The following NGLY1 variants were observed in gnomAD, a reference collection of about 807,000 sequenced individuals.
The protein encoded by NGLY1 is peptide-N(4)-(N-acetyl-beta-glucosaminyl)asparagine amidase.
NGLY1 carries 68 observed loss-of-function variants against 84.6 expected under a neutral mutation model. The observed-to-expected ratio is 0.80, with a 90% CI of 0.66 to 0.98. The LOEUF (loss-of-function observed/expected upper bound fraction) is 0.98. NGLY1 is among the 50% of genes least tolerant of loss of function. The pLI is 0.00. For missense variants in NGLY1, 779 were observed against 770.2 expected (o/e 1.01, Z -0.14); for synonymous variants, 280 against 275.2 (o/e 1.02, Z -0.17).
chr3:25,772,769 C>T (rs1000274542), intron 2 of NGLY1, among the ~76,000 whole-genome samples: 5 of 151,840 alleles, frequency 3.3e-5, no homozygotes, highest in Non-Finnish European at 7.4e-5. Flanking sequence ...TGGTGTATTT[C>T]GAGGTTTTAT....
At chr3:25,734,814 G>A (rs1025250994) in intron 7 of NGLY1, 5 of 946,182 alleles carry the variant, frequency 5.3e-6, no homozygotes, top group East Asian at 1.2e-4. Flanking sequence ...AACCAGAAAC[G>A]CTATGATAAA....
rs373747843 is a variant in NGLY1 at position 25,778,566 on chromosome 3, A to G, written c.246+8T>C. The G allele has an allele frequency of 1.3e-6, 2 of 1,549,132 alleles. No homozygotes were observed. The highest frequency in any genetic ancestry group is 2.3e-5 in the East Asian group (1 of 44,206). On this transcript the variant is annotated splice_region_variant and intron_variant, in intron 2 of 11. Transcript: ENST00000280700. ...AAGAGGGGAGAGGAAATCCTTGAAC[A>G]TACTTACCTCTTCAAAGCCCATTTC...
chr3:25,743,899 T>C (rs1706284345), intron 4 of NGLY1, among the ~76,000 whole-genome samples: 1 of 152,188 alleles, frequency 6.6e-6, no homozygotes, highest in East Asian at 1.9e-4. Context: ...TATCCTTAAC[T>C]AGGGGCTCAG....
At chr3:25,763,938 T>C (rs1239621964) in intron 3 of NGLY1, 128 bp downstream of exon 3, 22 of 1,233,684 alleles carry the variant, frequency 1.8e-5, no homozygotes, top group Non-Finnish European at 2.2e-5. Context: ...TTGGATGTTT[T>C]AGAGTTATAA....
At chr3:25,751,004 C>A in intron 4 of NGLY1, 94 bp downstream of exon 4, 1 of 1,289,530 alleles carries the variant, frequency 7.8e-7, no homozygotes, top group Non-Finnish European at 1.1e-6. Flanking sequence ...GCAGTTCAAA[C>A]CCATGTTCTT....
Position 25,783,230 on chromosome 3 carries a change from T to A in NGLY1, c.131+30A>T. On this transcript the variant is annotated intron_variant, in intron 1 of 11. Coordinates refer to ENST00000280700, the MANE Select transcript of NGLY1 (RefSeq NM_018297.4). This position sits in a 1 kb window ranked among gnomAD's most constrained non-coding sequence, Gnocchi z 4.5. ...AGGTGCCGCGGCCCACCCACCCCGG[T>A]ACCCGCCGTCCGACCCCGTTGCCCT... 7.0e-7 allele frequency: 1 copy of A among 1,422,378 alleles called. No homozygotes were observed. The highest frequency in any genetic ancestry group is 9.7e-7 in the Non-Finnish European group (1 of 1,026,234). The allele number at this position is 1,422,378 out of a possible 1,614,324, so 88.1% of individuals were successfully genotyped here. A position where few individuals can be genotyped will look rare whatever the true frequency, so the allele number is the denominator to read the frequency against.
chr3:25,745,888 A>G (rs1706398662), intron 4 of NGLY1, among the ~76,000 whole-genome samples: 1 of 152,246 alleles, frequency 6.6e-6, no homozygotes. Flanking sequence ...TCTGATGAAT[A>G]AGGTTATGTA....
At chr3:25,755,179 T>A in intron 3 of NGLY1, 1 of 1,281,900 alleles carries the variant, frequency 7.8e-7, no homozygotes, top group Non-Finnish European at 1.1e-6. Flanking sequence ...TTACCTCTCT[T>A]CCCCCAAGAG....
intron 10 of NGLY1, among the ~76,000 whole-genome samples, chr3:25,727,040 G>A (rs1004805800): frequency 6.6e-6 from 1 of 152,146 alleles, no homozygotes; most frequent in Non-Finnish European, 1.5e-5. Context: ...TGAGAAAAAC[G>A]GTAGTGAGAA....
In NGLY1 at chr3:25,735,992, T is replaced by C. The variant is rs774489175; in HGVS notation, c.1149+12A>G. 6.3e-7 allele frequency: 1 copy of C among 1,579,196 alleles called. No homozygotes were observed. The highest frequency in any genetic ancestry group is 2.2e-5 in the East Asian group (1 of 44,670). ...TACTTTTGGAAAAAAGTTTTTTTCT[T>C]TTATGCTCTACCTCATCTTTTGAAA... is the stretch of plus-strand genomic sequence containing the variant. On this transcript the variant is annotated intron_variant, in intron 7 of 11. Transcript: ENST00000280700.
rs746089736 is a variant in NGLY1, at chr3:25,736,077, C to T, written c.1076G>A (p.Cys359Tyr). The change falls in exon 7 of 12, where the codon TGT becomes TAT. Residue 359 changes from cysteine (C) to tyrosine (Y), a missense_variant. Cys to Tyr is a radical substitution (Grantham distance 194). Coordinates refer to ENST00000280700, the MANE Select transcript of NGLY1 (RefSeq NM_018297.4). ...WLHCDACEDV[C>Y]DKPLLYEIGW... is the part of the protein sequence containing the mutation. ...TATTTCATAAAGGAGTGGCTTGTCA[C>T]AGACATCTTCACATGCATCACAGTG... is the stretch of plus-strand genomic sequence containing the variant. The T allele has an allele frequency of 6.2e-7, 1 of 1,613,774 alleles. No homozygotes were observed. Among genetic ancestry groups the T allele is most frequent in the Non-Finnish European group, 8.5e-7 (1 of 1,179,894 alleles).
chr3:25,720,238 A>G (rs758932148), intron 10 of NGLY1, 47 bp from the exon 11 acceptor site: 2 of 1,481,596 alleles, frequency 1.3e-6, no homozygotes, highest in East Asian at 4.6e-5. Flanking sequence ...GAAAAAATGA[A>G]ATAGTATAGA....
intron 8 of NGLY1, 45 bp downstream of exon 8, chr3:25,733,827 T>A (rs1197049395): frequency 3.6e-6 from 5 of 1,384,224 alleles, no homozygotes; most frequent in Non-Finnish European, 5.0e-6. Flanking sequence ...CTCGATTACA[T>A]AAAAAATGTC....
chr3:25,736,455 C>T, intron 6 of NGLY1: 5 of 1,427,802 alleles, frequency 3.5e-6, no homozygotes, highest in Non-Finnish European at 4.8e-6. Context: ...CCTGAGTTTA[C>T]TATCATGAAG....
intron 1 of NGLY1, among the ~76,000 whole-genome samples, chr3:25,789,158 G>T (rs888624916): frequency 2.0e-5 from 3 of 152,150 alleles, no homozygotes; most frequent in Admixed American, 6.5e-5. Flanking sequence ...ACATTTTCAT[G>T]TTATATTTTC....
chr3:25,783,210 C>T lies in NGLY1; in HGVS notation c.131+50G>A. ...CCCCAGTCCCTGGCCGAACAAGGTG[C>T]CGCGGCCCACCCACCCCGGTACCCG... On this transcript the variant is annotated intron_variant, in intron 1 of 11. Coordinates refer to ENST00000280700, the MANE Select transcript of NGLY1 (RefSeq NM_018297.4). The surrounding 1 kb of genome is among the most constrained non-coding windows in gnomAD (Gnocchi z 4.5). 1.3e-6 allele frequency: 2 copies of T among 1,546,764 alleles called. No homozygotes were observed. The highest frequency in any genetic ancestry group is 1.8e-6 in the Non-Finnish European group (2 of 1,126,512).
At chr3:25,725,909 T>TA (rs1705232015) in intron 10 of NGLY1, among the ~76,000 whole-genome samples, 1 of 152,200 alleles carries the variant, frequency 6.6e-6, no homozygotes, top group South Asian at 2.1e-4. Context: ...CCCATTAATC[T>TA]AAACAGTTGA....
intron 3 of NGLY1, chr3:25,755,656 G>C (rs1288232836): frequency 6.7e-7 from 1 of 1,488,614 alleles, no homozygotes; most frequent in Non-Finnish European, 9.3e-7. Context: ...ACATGAAGAT[G>C]ATGATGACAA....
chr3:25,747,925 G>A (rs1327484850), intron 4 of NGLY1, among the ~76,000 whole-genome samples: 2 of 152,180 alleles, frequency 1.3e-5, no homozygotes, highest in African/African-American at 2.4e-5. Flanking sequence ...TGTGCATTTT[G>A]TCTGCAGGAA....
Sources: allele counts gnomAD v4.1 joint callset (sites outside exome capture counted in the v4.1 genomes callset), GRCh38; gene constraint gnomAD v4.1.1; non-coding constraint Gnocchi (gnomAD v3.1); transcripts MANE v1.5; gene names NCBI Gene and HGNC (gene_info 2026-07-23, HGNC 2026-07-21).